The following NTRK2 variants were observed in gnomAD, a reference collection of about 807,000 sequenced individuals.
NTRK2 encodes BDNF/NT-3 growth factors receptor.
Under a neutral mutation model 94.5 loss-of-function variants are expected in NTRK2, and 13 were observed. That is an observed-to-expected ratio of 0.14 (90% CI 0.09 to 0.22). NTRK2 has a LOEUF of 0.22. Among genes scored for constraint, NTRK2 ranks in the 10% least tolerant of loss-of-function variants. The probability of loss-of-function intolerance (pLI) is 1.00; values close to 1 mark genes in which losing one functional copy is unlikely to be tolerated. For missense variants in NTRK2, 639 were observed against 1,071.2 expected (o/e 0.60, Z 5.63); for synonymous variants, 372 against 407.4 (o/e 0.91, Z 1.05).
intron 17 of NTRK2, among the ~76,000 whole-genome samples, chr9:85,018,750 G>A (rs932675754): frequency 1.3e-4 from 20 of 152,196 alleles, no homozygotes; most frequent in African/African-American, 4.8e-4. Flanking sequence ...TCGACCCTGA[G>A]GGTGACTGTT....
intron 12 of NTRK2, among the ~76,000 whole-genome samples, chr9:84,851,000 T>C (rs1224109533): frequency 6.6e-6 from 1 of 152,212 alleles, no homozygotes; most frequent in Non-Finnish European, 1.5e-5. Context: ...TGTTGGTCAA[T>C]ACCTAGGTCA....
chr9:84,811,351 G>A, intron 12 of NTRK2: 1 of 1,065,914 alleles, frequency 9.4e-7, no homozygotes, highest in African/African-American at 1.6e-5. Context: ...AGAACAAGCA[G>A]CAACAGCTGT....
At chr9:84,862,922 G>A (rs2132011958) in intron 13 of NTRK2, among the ~76,000 whole-genome samples, 1 of 152,300 alleles carries the variant, frequency 6.6e-6, no homozygotes, top group African/African-American at 2.4e-5. Flanking sequence ...GGGAGGGCAG[G>A]TGGATAGTGG....
intron 17 of NTRK2, among the ~76,000 whole-genome samples, chr9:85,004,039 A>AAGAAAGAAAGAAAGAAAGAAAAGAAAGAG (rs1339819904): frequency 0.017 from 685 of 40,532 alleles, 139 homozygotes; most frequent in Admixed American, 0.024. Flanking sequence ...GAAAGAGAGA[A>AAGAAAGAAAGAAAGAAAGAAAAGAAAGAG]AGAAAGGGAG....
Position 85,025,824 on chromosome 9 carries a change from G to T in NTRK2, c.*4387G>T. On this transcript the variant is annotated 3_prime_UTR_variant, in exon 19 of 19. Coordinates refer to ENST00000277120, the MANE Select transcript of NTRK2 (RefSeq NM_006180.6). ...AATGTCTAAGTTAGTAGTTACAGCT[G>T]ATTTTTTATGATGCATAATTGGAAT... is the stretch of plus-strand genomic sequence containing the variant. 1 of 229,324 alleles carries T rather than the reference G, an allele frequency of 4.4e-6. No individual in the cohort carries two copies. 14.2% of individuals were successfully genotyped at this position (229,324 alleles called of 1,614,324 possible).
chr9:84,810,863 T>C (rs1049301700), intron 12 of NTRK2: 1 of 1,267,496 alleles, frequency 7.9e-7, no homozygotes, highest in Non-Finnish European at 9.9e-7. Flanking sequence ...GTAGTTCAAA[T>C]ACAAAACTGA....
chr9:84,711,830 C>T (rs2061435967), intron 6 of NTRK2, among the ~76,000 whole-genome samples: 1 of 152,168 alleles, frequency 6.6e-6, no homozygotes, highest in South Asian at 2.1e-4. Context: ...CGGCCCTGAC[C>T]CTTCCCACAG....
intron 9 of NTRK2, among the ~76,000 whole-genome samples, chr9:84,736,955 T>C (rs747195914): frequency 2.0e-5 from 3 of 152,210 alleles, no homozygotes; most frequent in Non-Finnish European, 4.4e-5. Context: ...GATCCCCCCA[T>C]GAGTGAGAAA....
chr9:84,698,401 A>C (rs374555988), intron 2 of NTRK2, among the ~76,000 whole-genome samples: 1 of 145,810 alleles, frequency 6.9e-6, no homozygotes, highest in African/African-American at 2.5e-5. Flanking sequence ...ATATATATAT[A>C]TCACCTTATT....
At chr9:84,872,558 T>C (rs1424475091) in intron 14 of NTRK2, 28 of 1,064,080 alleles carry the variant, frequency 2.6e-5, no homozygotes, top group Non-Finnish European at 3.2e-5. Flanking sequence ...TTCATGTGCC[T>C]AGGGCTAGTA....
intron 14 of NTRK2, chr9:84,877,859 A>C (rs1020482704): frequency 9.7e-7 from 1 of 1,035,970 alleles, no homozygotes; most frequent in Non-Finnish European, 1.2e-6. Flanking sequence ...GATCATTCAG[A>C]GCCAAACGCA....
chr9:84,994,006 G>A (rs1829420653), intron 17 of NTRK2, among the ~76,000 whole-genome samples: 1 of 152,022 alleles, frequency 6.6e-6, no homozygotes, highest in South Asian at 2.1e-4. Flanking sequence ...CAGAACACTG[G>A]TTACAAAAAC....
In NTRK2 at chr9:84,797,776, A is replaced by ATATATTATATATACTATAATAAT. The variant is rs1491352174; in HGVS notation, c.1396+45691_1396+45692insTATATTATATATACTATAATAAT. The stretch of plus-strand genomic sequence containing the variant: ...TTATATATACTATAATAATATATAT[A>ATATATTATATATACTATAATAAT]ATATATATTATATATACTATAATAA... On this transcript the variant is annotated intron_variant, in intron 12 of 18. Coordinates refer to ENST00000277120, the MANE Select transcript of NTRK2 (RefSeq NM_006180.6). Among the ~76,000 whole-genome samples, 370 of 72,050 alleles carry ATATATTATATATACTATAATAAT rather than the reference A, an allele frequency of 5.1e-3. 17 individuals carry two copies. Among genetic ancestry groups the ATATATTATATATACTATAATAAT allele is most frequent in the African/African-American group, 0.021 (354 of 16,886 alleles). 47.3% of individuals were successfully genotyped at this position (72,050 alleles called of 152,430 possible). A position where few individuals can be genotyped will look rare whatever the true frequency, so the allele number is the denominator to read the frequency against.
In NTRK2 at chr9:84,702,402, C is replaced by G; in HGVS notation, c.342C>G (p.Asn114Lys). 6.2e-7 allele frequency: 1 copy of G among 1,613,846 alleles called. No homozygotes were observed. The highest frequency in any genetic ancestry group is 8.5e-7 in the Non-Finnish European group (1 of 1,179,712). Reference protein sequence around the residue: ...KFVAHKAFLKNSNLQHINFTR... With the variant: ...KFVAHKAFLKKSNLQHINFTR... ...TGGCTCATAAAGCATTTCTGAAAAA[C>G]AGCAACCTGCAGCACATGTAAGTAG... Residue 114 changes from asparagine to lysine, a missense_variant, in exon 4 of 19, where the codon AAC (asparagine) becomes AAG (lysine). Physicochemically the swap from Asn to Lys is moderately conservative, Grantham distance 94. Coordinates refer to ENST00000277120, the MANE Select transcript of NTRK2 (RefSeq NM_006180.6).
At chr9:84,790,570 CT>C (rs1204275772) in intron 12 of NTRK2, among the ~76,000 whole-genome samples, 1 of 152,198 alleles carries the variant, frequency 6.6e-6, no homozygotes, top group East Asian at 1.9e-4. Flanking sequence ...TTGATCAATA[CT>C]CTCAAGGTCA....
chr9:84,947,874 A>G (rs1564491674), intron 15 of NTRK2, among the ~76,000 whole-genome samples: 1 of 152,152 alleles, frequency 6.6e-6, no homozygotes, highest in Non-Finnish European at 1.5e-5. Context: ...ACCAAAACCC[A>G]GCTGTCATGC....
At chr9:84,904,452 C>G (rs930590563) in intron 14 of NTRK2, among the ~76,000 whole-genome samples, 6 of 152,190 alleles carry the variant, frequency 3.9e-5, no homozygotes, top group Admixed American at 1.3e-4. Flanking sequence ...CCATCATACA[C>G]CAACATAATA....
In NTRK2 at chr9:84,808,113, G is replaced by A. The variant is rs148869653; in HGVS notation, c.1397-52927G>A. On this transcript the variant is annotated intron_variant, in intron 12 of 18. Coordinates refer to ENST00000277120, the MANE Select transcript of NTRK2 (RefSeq NM_006180.6). ...GATCACAAAAGGCAAGCACAAGAAG[G>A]TTGCAGAGGGACACTTGACATCAAT... Among the ~76,000 whole-genome samples, 1,048 of 152,302 alleles carry A rather than the reference G, an allele frequency of 6.9e-3. 9 individuals are homozygous for A. Among genetic ancestry groups the A allele is most frequent in the Non-Finnish European group, 8.5e-3 (581 of 68,022 alleles).
chr9:84,801,613 C>T (rs11140763), intron 12 of NTRK2, among the ~76,000 whole-genome samples: 7,180 of 152,222 alleles, frequency 0.047, 208 homozygotes, highest in East Asian at 0.14. Flanking sequence ...TGATTTTGCC[C>T]GGTTGTAGGC....
Sources: allele counts gnomAD v4.1 joint callset (sites outside exome capture counted in the v4.1 genomes callset), GRCh38; gene constraint gnomAD v4.1.1; transcripts MANE v1.5; gene names NCBI Gene and HGNC (gene_info 2026-07-23, HGNC 2026-07-21).